The following NCBP2L variants were observed in gnomAD, a reference collection of about 807,000 sequenced individuals.
The protein encoded by NCBP2L is nuclear cap binding protein subunit 2 like.
For missense variants in NCBP2L, 95 were observed against 53.1 expected (o/e 1.79, Z -2.45); for synonymous variants, 39 against 19.2 (o/e 2.04, Z -2.70).
At chrX:107,792,174 A>C (rs1930460957) in intron 1 of NCBP2L, among the ~76,000 whole-genome samples, 1 of 112,049 alleles carries the variant, frequency 8.9e-6, no homozygotes, top group Non-Finnish European at 1.9e-5. Context: ...CTTTGGCTAT[A>C]GTTGTTCAAC....
intron 1 of NCBP2L, among the ~76,000 whole-genome samples, chrX:107,790,837 AT>A (rs1459779413): frequency 8.9e-6 from 1 of 111,797 alleles, no homozygotes; most frequent in African/African-American, 3.3e-5. Context: ...TACTACGTAA[AT>A]TTTTTGTTAA....
intron 1 of NCBP2L, among the ~76,000 whole-genome samples, chrX:107,789,088 A>C (rs1273740600): frequency 9.0e-6 from 1 of 110,617 alleles, no homozygotes; most frequent in Non-Finnish European, 1.9e-5. Context: ...TTCCATTATG[A>C]AAATCTAGGT....
At position 107,795,137 on chromosome X, in the gene NCBP2L, A is replaced by T. The variant is rs1930503961; in HGVS notation, c.*455A>T. Reference sequence around the variant, plus strand: ...TGAAACCATAGAAAAGTCTGGAAGAATTTGTAATAAAAACAAAAATCCTCC... The same window carrying T: ...TGAAACCATAGAAAAGTCTGGAAGATTTTGTAATAAAAACAAAAATCCTCC... On this transcript the variant is annotated 3_prime_UTR_variant, in exon 2 of 2. Transcript: ENST00000509000. The T allele has an allele frequency of 1.8e-5, 2 of 113,171 alleles. No individual in the cohort carries two copies. Among genetic ancestry groups the T allele is most frequent in the African/African-American group, 6.5e-5 (2 of 30,896 alleles). The allele number at this position is 113,171 out of a possible 1,213,427, so 9.3% of individuals were successfully genotyped here. A position where few individuals can be genotyped will look rare whatever the true frequency, so the allele number is the denominator to read the frequency against.
Position 107,794,523 on chromosome X carries a change from G to T in NCBP2L, c.303G>T (p.Gly101=). 1.8e-6 allele frequency: 1 copy of T among 569,979 alleles called. No individual in the cohort carries two copies. The highest frequency in any genetic ancestry group is 3.1e-4 in the Middle Eastern group (1 of 3,251). The allele number at this position is 569,979 out of a possible 1,213,427, so 47.0% of individuals were successfully genotyped here. A position where few individuals can be genotyped will look rare whatever the true frequency, so the allele number is the denominator to read the frequency against. Residue 101 remains glycine, a synonymous_variant, in exon 2 of 2, where the codon GGG becomes GGT. Transcript: ENST00000509000. ...DAENAMRFLT[G]TCLDEWIICT... ...AAAATGCCATGCGGTTTCTAACTGG[G>T]ACCTGCCTAGATGAATGGATTATCT...
At chrX:107,783,249 G>A (rs1449347010) in intron 1 of NCBP2L, among the ~76,000 whole-genome samples, 3 of 108,718 alleles carry the variant, frequency 2.8e-5, no homozygotes, top group Admixed American at 9.8e-5. Flanking sequence ...TTGGGAGGCC[G>A]AGGCAGTGGG....
chrX:107,778,791 T>TGTC (rs1930226770), intron 1 of NCBP2L, among the ~76,000 whole-genome samples: 1 of 112,513 alleles, frequency 8.9e-6, no homozygotes, highest in Admixed American at 9.4e-5. Flanking sequence ...GCTTGTCCTG[T>TGTC]GTCAGGTATA....
In NCBP2L at chrX:107,795,043, T is replaced by C. The variant is rs1230727694; in HGVS notation, c.*361T>C. 8.4e-6 allele frequency: 1 copy of C among 118,615 alleles called. No homozygotes were observed. Among genetic ancestry groups the C allele is most frequent in the African/African-American group, 3.3e-5 (1 of 30,725 alleles). The allele number at this position is 118,615 out of a possible 1,213,427, so 9.8% of individuals were successfully genotyped here. ...CCAAAATTATAATTTTTTTTAGAGC[T>C]TGCATAAAATACAGTCAAATAAGTG... On this transcript the variant is annotated 3_prime_UTR_variant, in exon 2 of 2. Coordinates refer to ENST00000509000, the MANE Select transcript of NCBP2L (RefSeq NM_001348372.2).
intron 1 of NCBP2L, among the ~76,000 whole-genome samples, chrX:107,785,449 T>C (rs781264584): frequency 2.0e-4 from 22 of 111,968 alleles, no homozygotes; most frequent in Non-Finnish European, 3.9e-4. Flanking sequence ...CAAAGCTTCA[T>C]GGATATTTTA....
chrX:107,794,445 G>GA lies in NCBP2L; in HGVS notation c.229dup (p.Thr77AsnfsTer12). ...TCTTTATGGGCCTGGATAAAATAAA[G>GA]AAAACAGCATGTGGTTTTTGCTTTG... On this transcript the variant is annotated frameshift_variant, in exon 2 of 2. Transcript: ENST00000509000. LOFTEE classifies it low-confidence loss of function (END_TRUNC). The GA allele has an allele frequency of 1.8e-6, 1 of 570,232 alleles. No homozygotes were observed. The highest frequency in any genetic ancestry group is 3.2e-6 in the Non-Finnish European group (1 of 309,471). 47.0% of individuals were successfully genotyped at this position (570,232 alleles called of 1,213,427 possible). A position where few individuals can be genotyped will look rare whatever the true frequency, so the allele number is the denominator to read the frequency against.
intron 1 of NCBP2L, among the ~76,000 whole-genome samples, chrX:107,778,506 T>A (rs1457761829): frequency 8.9e-6 from 1 of 112,948 alleles, no homozygotes; most frequent in Non-Finnish European, 1.9e-5. Context: ...GGTATGTATT[T>A]GCATACAAGT....
intron 1 of NCBP2L, among the ~76,000 whole-genome samples, chrX:107,791,909 C>T (rs1169095597): frequency 8.9e-6 from 1 of 111,992 alleles, no homozygotes; most frequent in African/African-American, 3.2e-5. Context: ...AGATTTGAAC[C>T]AAGGTCTTTT....
Position 107,794,885 on chromosome X carries a change from A to T in NCBP2L, c.*203A>T, listed in dbSNP as rs906023424. On this transcript the variant is annotated 3_prime_UTR_variant, in exon 2 of 2. Coordinates refer to ENST00000509000, the MANE Select transcript of NCBP2L (RefSeq NM_001348372.2). ...TTTTGAAGATGCTTTTCAGATTACCAGTTTGACTGTTAGGTGGTCCAAAGT... is the reference window on the plus strand; with the variant it reads ...TTTTGAAGATGCTTTTCAGATTACCTGTTTGACTGTTAGGTGGTCCAAAGT... The T allele has an allele frequency of 8.7e-6, 3 of 342,905 alleles. No homozygotes were observed. Among genetic ancestry groups the T allele is most frequent in the Non-Finnish European group, 1.5e-5 (3 of 196,349 alleles). The allele number at this position is 342,905 out of a possible 1,213,427, so 28.3% of individuals were successfully genotyped here. A position where few individuals can be genotyped will look rare whatever the true frequency, so the allele number is the denominator to read the frequency against.
chrX:107,781,660 A>ATCTCTC (rs1930274533), intron 1 of NCBP2L, among the ~76,000 whole-genome samples: 1 of 65,572 alleles, frequency 1.5e-5, no homozygotes, highest in Non-Finnish European at 2.5e-5. Context: ...TCATCTATCT[A>ATCTCTC]TCTATCTATC....
intron 1 of NCBP2L, among the ~76,000 whole-genome samples, chrX:107,787,986 T>C (rs1930406493): frequency 8.9e-6 from 1 of 112,271 alleles, no homozygotes; most frequent in Admixed American, 9.5e-5. Flanking sequence ...TTTTGCCACC[T>C]CCTCTCCTCC....
chrX:107,790,734 G>T (rs1246717858), intron 1 of NCBP2L, among the ~76,000 whole-genome samples: 1 of 111,683 alleles, frequency 9.0e-6, no homozygotes, highest in Non-Finnish European at 1.9e-5. Context: ...GGTGGCTGGG[G>T]CACAGGAGTG....
chrX:107,781,672 A>ATCTCTC (rs1203106428), intron 1 of NCBP2L, among the ~76,000 whole-genome samples: 9 of 62,651 alleles, frequency 1.4e-4, no homozygotes, highest in Middle Eastern at 9.5e-3. Flanking sequence ...CTATCTATCT[A>ATCTCTC]TCTATCTCTC....
chrX:107,779,977 C>T (rs1375905793), intron 1 of NCBP2L, among the ~76,000 whole-genome samples: 2 of 107,876 alleles, frequency 1.9e-5, no homozygotes, highest in Non-Finnish European at 3.8e-5. Context: ...ATCTCCTGAC[C>T]TCGTGATCCG....
At chrX:107,791,650 A>C (rs758728107) in intron 1 of NCBP2L, among the ~76,000 whole-genome samples, 2 of 112,298 alleles carry the variant, frequency 1.8e-5, no homozygotes, top group Non-Finnish European at 3.8e-5. Context: ...TTTTTGTGTT[A>C]TGTGTAGATT....
At chrX:107,781,701 T>G (rs1403009066) in intron 1 of NCBP2L, among the ~76,000 whole-genome samples, 1 of 92,230 alleles carries the variant, frequency 1.1e-5, no homozygotes, top group East Asian at 3.2e-4. Flanking sequence ...TCTATATATA[T>G]ATATATATAG....
Sources: gnomAD v4.1 joint callset for allele counts (sites outside exome capture counted in the v4.1 genomes callset) on GRCh38, gnomAD v4.1.1 for gene constraint, MANE v1.5 for transcripts, NCBI Gene and HGNC (gene_info 2026-07-23, HGNC 2026-07-21) for gene names.